The following EXOC4 variants were observed in gnomAD, a reference collection of about 807,000 sequenced individuals.
EXOC4 encodes SEC8-like 1.
In EXOC4, 71 loss-of-function variants were observed where a neutral mutation model predicts 107.2. The ratio of observed to expected loss-of-function variants is 0.66; its 90% confidence interval spans 0.55 to 0.81. The LOEUF (loss-of-function observed/expected upper bound fraction) is 0.81. EXOC4 is among the 30% of genes least tolerant of loss of function. The probability of loss-of-function intolerance (pLI) is 0.00; values close to 1 mark genes in which losing one functional copy is unlikely to be tolerated. For synonymous variants in EXOC4, 456 were observed against 441.2 expected (o/e 1.03, Z -0.42); for missense variants, 1,108 against 1,189.6 (o/e 0.93, Z 1.01).
chr7:133,398,510 C>G (rs1020860281), intron 7 of EXOC4, among the ~76,000 whole-genome samples: 2 of 152,148 alleles, frequency 1.3e-5, no homozygotes, highest in Admixed American at 6.5e-5. Flanking sequence ...TTCATGCTCT[C>G]TCTTTGCATT....
rs1797426554 is a variant in EXOC4 at position 133,414,345 on chromosome 7, AG to A, written c.1182+39345del. 2.0e-5 allele frequency among the ~76,000 whole-genome samples: 3 copies of A among 152,184 alleles called. No homozygotes were observed. The South Asian group carries it at 6.2e-4, about 31-fold the overall frequency. ...AGTGTTGGCAAGGATGAGAAGAAAC[AG>A]GAACTCTTGTATATTACTGATGAGA... On this transcript the variant is annotated intron_variant, in intron 7 of 17. Coordinates refer to ENST00000253861, the MANE Select transcript of EXOC4 (RefSeq NM_021807.4).
intron 12 of EXOC4, among the ~76,000 whole-genome samples, chr7:133,900,774 A>C (rs1203121541): frequency 6.6e-6 from 1 of 152,198 alleles, no homozygotes; most frequent in African/African-American, 2.4e-5. Flanking sequence ...ATAGAAGAAG[A>C]AATACAGATT....
intron 17 of EXOC4, among the ~76,000 whole-genome samples, chr7:134,016,926 C>G (rs1056859649): frequency 1.3e-5 from 2 of 152,204 alleles, no homozygotes; most frequent in Non-Finnish European, 2.9e-5. Flanking sequence ...CTAAATCTCC[C>G]CTCACTCTTC....
chr7:134,064,756 A>C lies in EXOC4; in HGVS notation c.*228A>C. 1 of 308,676 alleles carries C rather than the reference A, an allele frequency of 3.2e-6. No homozygotes were observed. Among genetic ancestry groups the C allele is most frequent in the Non-Finnish European group, 5.9e-6 (1 of 168,704 alleles). The allele number at this position is 308,676 out of a possible 1,614,324, so 19.1% of individuals were successfully genotyped here. On this transcript the variant is annotated 3_prime_UTR_variant, in exon 18 of 18. Coordinates refer to ENST00000253861, the MANE Select transcript of EXOC4 (RefSeq NM_021807.4). ...AACTACTTTAATGCAGTCAAATCTAACGGGACTAGGGTGGGATAGGGAGGA... is the reference window on the plus strand; with the variant it reads ...AACTACTTTAATGCAGTCAAATCTACCGGGACTAGGGTGGGATAGGGAGGA...
chr7:133,641,109 C>A (rs189389950), intron 10 of EXOC4, among the ~76,000 whole-genome samples: 1 of 152,184 alleles, frequency 6.6e-6, no homozygotes, highest in African/African-American at 2.4e-5. Flanking sequence ...AGGGATTAGC[C>A]AAGAACCAGA....
intron 4 of EXOC4, among the ~76,000 whole-genome samples, chr7:133,311,169 A>G (rs1414248370): frequency 6.6e-6 from 1 of 151,422 alleles, no homozygotes; most frequent in African/African-American, 2.5e-5. Context: ...GAAACTGTCA[A>G]ATGAAATCTA....
chr7:133,447,776 T>A (rs1275818510), intron 7 of EXOC4, among the ~76,000 whole-genome samples: 1 of 152,146 alleles, frequency 6.6e-6, no homozygotes, highest in Non-Finnish European at 1.5e-5. Context: ...CATATCATAA[T>A]TATTTTTAAG....
intron 10 of EXOC4, among the ~76,000 whole-genome samples, chr7:133,721,443 G>A (rs555080512): frequency 7.2e-5 from 11 of 152,208 alleles, no homozygotes; most frequent in African/African-American, 1.2e-4. Flanking sequence ...AAAACGATAC[G>A]TTTGGAAGTC....
chr7:133,874,456 C>T (rs963712015), intron 11 of EXOC4, among the ~76,000 whole-genome samples: 20 of 152,268 alleles, frequency 1.3e-4, no homozygotes, highest in Admixed American at 1.2e-3. Flanking sequence ...GTTGAATCTC[C>T]ACTCCTGAAC....
At chr7:133,577,709 G>A (rs1193025629) in intron 9 of EXOC4, among the ~76,000 whole-genome samples, 1 of 152,076 alleles carries the variant, frequency 6.6e-6, no homozygotes, top group Non-Finnish European at 1.5e-5. Flanking sequence ...GATCAATGTT[G>A]TCATCCATGT....
intron 7 of EXOC4, among the ~76,000 whole-genome samples, chr7:133,404,885 TAC>T (rs68148382): frequency 0.84 from 79,231 of 94,088 alleles, 32,947 homozygotes; most frequent in East Asian, 0.94. Context: ...CCCCCCCCAA[TAC>T]ACACACACAC....
chr7:133,532,045 C>T (rs565215660), intron 9 of EXOC4, among the ~76,000 whole-genome samples: 1 of 152,106 alleles, frequency 6.6e-6, no homozygotes, highest in South Asian at 2.1e-4. Flanking sequence ...TAATTTTATA[C>T]ATGAAACGGG....
chr7:133,922,556 T>A (rs989338854), intron 13 of EXOC4, among the ~76,000 whole-genome samples: 1 of 152,142 alleles, frequency 6.6e-6, no homozygotes, highest in African/African-American at 2.4e-5. Context: ...TTTTAAAAAA[T>A]TTATACATGG....
chr7:133,439,606 G>A lies in EXOC4; in HGVS notation c.1183-35722G>A, dbSNP rs1023301897. Among the ~76,000 whole-genome samples, 8 of 152,308 alleles carry A rather than the reference G, an allele frequency of 5.3e-5. 1 individual carries two copies. Among genetic ancestry groups the A allele is most frequent in the African/African-American group, 9.6e-5 (4 of 41,562 alleles). Reference sequence around the variant, plus strand: ...ATAGTGTACGTATTTATGTGTGAGTGTGTTTGTATTTGTGAGGATAATGAT... The same window carrying A: ...ATAGTGTACGTATTTATGTGTGAGTATGTTTGTATTTGTGAGGATAATGAT... On this transcript the variant is annotated intron_variant, in intron 7 of 17. Coordinates refer to ENST00000253861, the MANE Select transcript of EXOC4 (RefSeq NM_021807.4).
At chr7:133,501,068 C>T (rs142967653) in intron 9 of EXOC4, among the ~76,000 whole-genome samples, 323 of 152,142 alleles carry the variant, frequency 2.1e-3, no homozygotes, top group Non-Finnish European at 2.1e-3. Context: ...TGTATATGTT[C>T]GTGTGTGTAT....
intron 9 of EXOC4, among the ~76,000 whole-genome samples, chr7:133,599,496 T>C (rs900585905): frequency 9.9e-5 from 15 of 152,246 alleles, no homozygotes; most frequent in Admixed American, 6.5e-4. Context: ...ACTTCTCTAA[T>C]GGCTGTTTAA....
At chr7:133,810,592 TTTGC>T (rs1025589156) in intron 10 of EXOC4, among the ~76,000 whole-genome samples, 38 of 56,132 alleles carry the variant, frequency 6.8e-4, no homozygotes, top group African/African-American at 1.7e-3. Flanking sequence ...AGATCCATGC[TTTGC>T]TTTATTTTAT....
intron 6 of EXOC4, among the ~76,000 whole-genome samples, chr7:133,358,896 A>G (rs926197230): frequency 3.9e-5 from 6 of 152,210 alleles, no homozygotes; most frequent in South Asian, 4.1e-4. Flanking sequence ...ATGTTTCTCT[A>G]TGAGGAATGA....
intron 17 of EXOC4, among the ~76,000 whole-genome samples, chr7:134,038,833 G>A (rs533924210): frequency 6.6e-6 from 1 of 152,142 alleles, no homozygotes; most frequent in East Asian, 1.9e-4. Flanking sequence ...TTGGAAACAA[G>A]CTCTTCCTAG....
Sources: allele counts gnomAD v4.1 joint callset (sites outside exome capture counted in the v4.1 genomes callset), GRCh38; gene constraint gnomAD v4.1.1; transcripts MANE v1.5; gene names NCBI Gene and HGNC (gene_info 2026-07-23, HGNC 2026-07-21).